The following OTUD7A variants were observed in gnomAD, a reference collection of about 807,000 sequenced individuals.
The protein encoded by OTUD7A is OTU deubiquitinase 7A.
In OTUD7A, 12 loss-of-function variants were observed where a neutral mutation model predicts 65.7. The ratio of observed to expected loss-of-function variants is 0.18; its 90% CI spans 0.12 to 0.30. The LOEUF is 0.30. Among genes scored for constraint, OTUD7A ranks in the 10% least tolerant of loss-of-function variants. The pLI is 1.00. For synonymous variants in OTUD7A, 641 were observed against 586.3 expected, an observed-to-expected ratio of 1.09 and a Z score of -1.35; for missense variants, 1,148 against 1,304.8, an observed-to-expected ratio of 0.88 and a Z score of 1.85.
At chr15:31,867,958 C>G (rs1897924141) in intron 1 of OTUD7A, among the ~76,000 whole-genome samples, 1 of 152,206 alleles carries the variant, frequency 6.6e-6, no homozygotes, top group Non-Finnish European at 1.5e-5. Context: ...CACATGCACC[C>G]ACCTCAACTT....
chr15:31,715,134 AAAAAC>A (rs1242736106), intron 1 of OTUD7A, among the ~76,000 whole-genome samples: 2 of 152,040 alleles, frequency 1.3e-5, no homozygotes, highest in East Asian at 1.9e-4. Flanking sequence ...TCTGTCTCAA[AAAAAC>A]AAAACAAAAC....
intron 1 of OTUD7A, among the ~76,000 whole-genome samples, chr15:31,797,893 G>A (rs2036910597): frequency 6.6e-6 from 1 of 152,170 alleles, no homozygotes; most frequent in African/African-American, 2.4e-5. Flanking sequence ...GGCTTAAACA[G>A]CAGGCATTCA....
intron 1 of OTUD7A, among the ~76,000 whole-genome samples, chr15:31,726,975 C>A (rs1893908797): frequency 6.6e-6 from 1 of 152,224 alleles, no homozygotes. Flanking sequence ...TCACTTACAT[C>A]TCCCTATTTT....
rs1445566017 is a variant in OTUD7A, at chr15:31,498,562, A to G, written c.1171+3128T>C. 1.3e-5 allele frequency among the ~76,000 whole-genome samples: 2 copies of G among 152,080 alleles called. No individual in the cohort carries two copies. The highest frequency in any genetic ancestry group is 1.3e-4 in the Admixed American group (2 of 15,260). ...ATTGATTTGATTTTTCATAATGTAC[A>G]CATTTGCTCAGTGGCCAGTAGGAAC... On this transcript the variant is annotated intron_variant, in intron 10 of 12. Coordinates refer to ENST00000307050, the MANE Select transcript of OTUD7A (RefSeq NM_001382637.1). The surrounding 1 kb of genome is among the most constrained non-coding windows in gnomAD (Gnocchi z 4.2).
intron 1 of OTUD7A, among the ~76,000 whole-genome samples, chr15:31,856,479 C>T (rs1193342696): frequency 6.6e-6 from 1 of 152,184 alleles, no homozygotes; most frequent in Non-Finnish European, 1.5e-5. Context: ...TGTACTCCCA[C>T]TGCCTTGCTG....
At chr15:31,536,000 C>T (rs755268301) in intron 5 of OTUD7A, among the ~76,000 whole-genome samples, 58 of 152,138 alleles carry the variant, frequency 3.8e-4, no homozygotes, top group Non-Finnish European at 6.6e-4. Context: ...TTCTAGTGAA[C>T]TCATGTCAAG....
chr15:31,828,947 A>T (rs1293718344), intron 1 of OTUD7A, among the ~76,000 whole-genome samples: 1 of 152,122 alleles, frequency 6.6e-6, no homozygotes, highest in Non-Finnish European at 1.5e-5. Flanking sequence ...GTGTCCATGC[A>T]TTGAACTGGC....
intron 1 of OTUD7A, among the ~76,000 whole-genome samples, chr15:31,688,202 G>A (rs561348820): frequency 1.2e-4 from 16 of 133,062 alleles, no homozygotes; most frequent in African/African-American, 4.6e-4. Flanking sequence ...GCGACAGAGC[G>A]AGACTCCATC....
At chr15:31,836,032 T>C (rs1210745078) in intron 1 of OTUD7A, among the ~76,000 whole-genome samples, 1 of 151,940 alleles carries the variant, frequency 6.6e-6, no homozygotes, top group African/African-American at 2.4e-5. Flanking sequence ...ACATTTCAGA[T>C]TTCAGATCTT....
At chr15:31,830,115 C>T (rs746483223) in intron 1 of OTUD7A, among the ~76,000 whole-genome samples, 1 of 152,170 alleles carries the variant, frequency 6.6e-6, no homozygotes, top group Non-Finnish European at 1.5e-5. Context: ...GCATCTGTGT[C>T]CCACAGTTCC....
At chr15:31,529,072 G>A (rs79161733) in intron 6 of OTUD7A, among the ~76,000 whole-genome samples, 1,718 of 152,326 alleles carry the variant, frequency 0.011, 107 homozygotes, top group East Asian at 0.11. Context: ...CAGGGAAAAT[G>A]CTGTGGGGTG....
At chr15:31,775,089 TACACACACAC>T (rs3046535) in intron 1 of OTUD7A, among the ~76,000 whole-genome samples, 48 of 148,012 alleles carry the variant, frequency 3.2e-4, no homozygotes, top group African/African-American at 9.5e-4. Flanking sequence ...TCCATGCATT[TACACACACAC>T]ACACACACAC....
chr15:31,627,025 C>T (rs145869122), intron 3 of OTUD7A, among the ~76,000 whole-genome samples: 1,725 of 151,824 alleles, frequency 0.011, 16 homozygotes, highest in Non-Finnish European at 0.017. Flanking sequence ...CTCTCCTCCA[C>T]GTTGATGGCA....
chr15:31,670,511 T>C (rs1892453728), intron 1 of OTUD7A, among the ~76,000 whole-genome samples: 1 of 152,226 alleles, frequency 6.6e-6, no homozygotes, highest in Admixed American at 6.5e-5. Flanking sequence ...CAGTTTTGCT[T>C]TGCATTTCTG....
intron 1 of OTUD7A, among the ~76,000 whole-genome samples, chr15:31,771,314 G>A (rs1027396892): frequency 6.6e-6 from 1 of 152,150 alleles, no homozygotes. Context: ...CCATTTAGAT[G>A]TCTATCTGGC....
Position 31,483,201 on chromosome 15 carries a change from T to A in OTUD7A, c.*93A>T, listed in dbSNP as rs1357870079. 1 of 1,024,848 alleles carries A rather than the reference T, an allele frequency of 9.8e-7. No homozygotes were observed. Among genetic ancestry groups the A allele is most frequent in the African/African-American group, 1.7e-5 (1 of 58,024 alleles). 63.5% of individuals were successfully genotyped at this position (1,024,848 alleles called of 1,614,324 possible). Reference sequence around the variant, plus strand: ...GCACTGACAGAGGAGGCGCCGGCCTTCCGGTGGACCAGGGCATGTAAAAAA... The same window carrying A: ...GCACTGACAGAGGAGGCGCCGGCCTACCGGTGGACCAGGGCATGTAAAAAA... On this transcript the variant is annotated 3_prime_UTR_variant, in exon 13 of 13. Coordinates refer to ENST00000307050, the MANE Select transcript of OTUD7A (RefSeq NM_001382637.1).
intron 1 of OTUD7A, among the ~76,000 whole-genome samples, chr15:31,774,794 C>T (rs1030761035): frequency 2.6e-5 from 4 of 151,986 alleles, no homozygotes; most frequent in African/African-American, 9.7e-5. Flanking sequence ...GTATTTTCAC[C>T]ATAACAGCAA....
At chr15:31,514,268 C>G (rs2041809376) in intron 8 of OTUD7A, among the ~76,000 whole-genome samples, 1 of 151,974 alleles carries the variant, frequency 6.6e-6, no homozygotes, top group Admixed American at 6.6e-5. Context: ...CAAGGCTGGT[C>G]TCGAACTTCT....
intron 1 of OTUD7A, among the ~76,000 whole-genome samples, chr15:31,829,653 C>T (rs1896883384): frequency 6.6e-6 from 1 of 152,190 alleles, no homozygotes; most frequent in African/African-American, 2.4e-5. Context: ...TGGCCATTCC[C>T]TCTTGGGGAC....
Sources: allele counts gnomAD v4.1 joint callset (sites outside exome capture counted in the v4.1 genomes callset), GRCh38; gene constraint gnomAD v4.1.1; non-coding constraint Gnocchi (gnomAD v3.1); transcripts MANE v1.5; gene names NCBI Gene and HGNC (gene_info 2026-07-23, HGNC 2026-07-21).